MGAM2: variants seen among roughly 807,000 people sequenced by gnomAD.
MGAM2 encodes the protein probable maltase-glucoamylase 2.
In MGAM2, 98 loss-of-function variants were observed where a neutral mutation model predicts 96.1. The ratio of observed to expected loss-of-function variants is 1.02; its 90% CI spans 0.87 to 1.21. The LOEUF (loss-of-function observed/expected upper bound fraction) is 1.21, where lower values mean the gene tolerates loss of function less well. Among genes scored for constraint, MGAM2 ranks in the 50% most tolerant of loss-of-function variants. MGAM2 has a pLI of 0.00. For missense variants in MGAM2, 2,055 were observed against 1,182.4 expected, an observed-to-expected ratio of 1.74 and a Z score of -10.82; for synonymous variants, 749 against 414.8, an observed-to-expected ratio of 1.81 and a Z score of -9.79.
chr7:142,217,159 G>A (rs529177998), intron 46 of MGAM2, among the ~76,000 whole-genome samples: 1 of 152,060 alleles, frequency 6.6e-6, no homozygotes, highest in South Asian at 2.1e-4. Context: ...TTTCATTTGG[G>A]CCTTCATCAT....
At chr7:142,213,552 C>A (rs1198300229) in intron 46 of MGAM2, among the ~76,000 whole-genome samples, 1 of 152,182 alleles carries the variant, frequency 6.6e-6, no homozygotes, top group Non-Finnish European at 1.5e-5. Context: ...CACCTCTATG[C>A]AAATAAACTA....
At position 142,180,418 on chromosome 7, in the gene MGAM2, A is replaced by G. The variant is rs951656919; in HGVS notation, c.3817-2848A>G. 3.3e-5 allele frequency among the ~76,000 whole-genome samples: 5 copies of G among 151,826 alleles called. No individual in the cohort carries two copies. In the East Asian group the frequency reaches 9.6e-4, roughly 29 times the overall value. On this transcript the variant is annotated intron_variant, in intron 32 of 47. Coordinates refer to ENST00000477922, the MANE Select transcript of MGAM2 (RefSeq NM_001293626.2). ...TTGGGGTAAGTTTGTTCCTGTTTTTATAGTTCTTCTAGATGTGAAGTTGGA... is the reference window on the plus strand; with the variant it reads ...TTGGGGTAAGTTTGTTCCTGTTTTTGTAGTTCTTCTAGATGTGAAGTTGGA...
At chr7:142,185,561 C>T (rs376939340) in intron 34 of MGAM2, among the ~76,000 whole-genome samples, 1 of 152,076 alleles carries the variant, frequency 6.6e-6, no homozygotes, top group Non-Finnish European at 1.5e-5. Context: ...TCTAGCATCC[C>T]CTCTACTCTG....
At chr7:142,153,995 C>G (rs983363565) in intron 15 of MGAM2, 23 bp from the exon 16 acceptor site, 20 of 612,160 alleles carry the variant, frequency 3.3e-5, no homozygotes, top group Non-Finnish European at 5.5e-5. Context: ...ACCTCACACT[C>G]CACTGGATGT....
chr7:142,137,884 T>C (rs1281744847), intron 9 of MGAM2, among the ~76,000 whole-genome samples: 1 of 152,234 alleles, frequency 6.6e-6, no homozygotes, highest in Admixed American at 6.5e-5. Context: ...GAATAAACTT[T>C]GCTAGCTATT....
chr7:142,196,054 T>C (rs935593153), intron 37 of MGAM2, 100 bp from the exon 38 acceptor site: 11 of 690,972 alleles, frequency 1.6e-5, no homozygotes, highest in Non-Finnish European at 2.9e-5. Flanking sequence ...GTTATCTGAC[T>C]CGGACCGAAG....
intron 46 of MGAM2, among the ~76,000 whole-genome samples, chr7:142,214,996 G>T (rs1797711026): frequency 6.6e-6 from 1 of 152,112 alleles, no homozygotes; most frequent in African/African-American, 2.4e-5. Context: ...AAAGAAACAG[G>T]CACAAGTCTG....
At chr7:142,152,841 TTCAATAAAATGCCTATTCAAAAGGTG>T (rs1795619787) in intron 15 of MGAM2, among the ~76,000 whole-genome samples, 1 of 152,034 alleles carries the variant, frequency 6.6e-6, no homozygotes, top group South Asian at 2.1e-4. Flanking sequence ...GGAGAGTCAT[TTCAATAAAATGCCTATTCAAAAGGTG>T]TCCAGAATAA....
At chr7:142,120,217 C>G in intron 2 of MGAM2, 85 bp from the exon 3 acceptor site, 1 of 677,532 alleles carries the variant, frequency 1.5e-6, no homozygotes. Flanking sequence ...GAGAATTGGC[C>G]AAAAGTCTGT....
chr7:142,145,920 G>A (rs945529793), intron 14 of MGAM2, among the ~76,000 whole-genome samples: 6 of 152,198 alleles, frequency 3.9e-5, no homozygotes, highest in African/African-American at 9.6e-5. Flanking sequence ...TTGGGCACCC[G>A]AACAGTCAGT....
At chr7:142,152,306 A>G (rs1474456362) in intron 15 of MGAM2, among the ~76,000 whole-genome samples, 1 of 152,114 alleles carries the variant, frequency 6.6e-6, no homozygotes, top group African/African-American at 2.4e-5. Context: ...TGTTTCTTTC[A>G]TGATTGATTA....
chr7:142,183,141 T>G lies in MGAM2; in HGVS notation c.3817-125T>G, dbSNP rs138116163. The G allele has an allele frequency of 1.8e-3, 1,078 of 594,478 alleles. 9 individuals are homozygous for G. The highest frequency in any genetic ancestry group is 0.018 in the African/African-American group (945 of 53,810). 36.8% of individuals were successfully genotyped at this position (594,478 alleles called of 1,614,324 possible). ...AAATTATCAATGATTTTTATTTTATTTCATTTTATTTTTGGTATTGAGATT... is the reference window on the plus strand; with the variant it reads ...AAATTATCAATGATTTTTATTTTATGTCATTTTATTTTTGGTATTGAGATT... On this transcript the variant is annotated intron_variant, in intron 32 of 47. Transcript: ENST00000477922.
intron 2 of MGAM2, among the ~76,000 whole-genome samples, chr7:142,119,033 T>G (rs1794471521): frequency 6.6e-6 from 1 of 152,150 alleles, no homozygotes; most frequent in South Asian, 2.1e-4. Flanking sequence ...TGAAGCACAC[T>G]TTGAAGAAAA....
intron 3 of MGAM2, among the ~76,000 whole-genome samples, chr7:142,122,434 C>G (rs59390490): frequency 1.3e-5 from 2 of 152,218 alleles, no homozygotes; most frequent in Non-Finnish European, 2.9e-5. Context: ...AATGACTACA[C>G]ATGTGTAAGC....
chr7:142,219,722 T>G, intron 47 of MGAM2, 148 bp from the exon 48 acceptor site: 1 of 590,140 alleles, frequency 1.7e-6, no homozygotes, highest in Non-Finnish European at 3.0e-6. Flanking sequence ...AAAATCAACA[T>G]GACCTAACCC....
rs1237847152 is a variant in MGAM2, at chr7:142,161,152, C to T, written c.2373C>T (p.Ile791=). 4 of 702,700 alleles carry T rather than the reference C, an allele frequency of 5.7e-6. No homozygotes were observed. The highest frequency in any genetic ancestry group is 3.0e-5 in the South Asian group (2 of 67,590). The allele number at this position is 702,700 out of a possible 1,614,324, so 43.5% of individuals were successfully genotyped here. The part of the protein sequence containing the change: ...ASRRNSLGLI[I]ALDYKREAKG... ...GGAGGAATTCCCTGGGACTCATCATCGCCTTGGACTATAAGAGAGAAGCAA... is the reference window on the plus strand; with the variant it reads ...GGAGGAATTCCCTGGGACTCATCATTGCCTTGGACTATAAGAGAGAAGCAA... The change falls in exon 22 of 48, where the codon ATC becomes ATT. Residue 791 remains isoleucine, a synonymous_variant. Coordinates refer to ENST00000477922, the MANE Select transcript of MGAM2 (RefSeq NM_001293626.2).
chr7:142,192,507 A>G (rs1796900816), intron 37 of MGAM2, among the ~76,000 whole-genome samples: 1 of 152,146 alleles, frequency 6.6e-6, no homozygotes, highest in South Asian at 2.1e-4. Flanking sequence ...AAATCAATTA[A>G]CTCTACTGGG....
chr7:142,145,705 G>T (rs1795362848), intron 14 of MGAM2, among the ~76,000 whole-genome samples: 1 of 152,168 alleles, frequency 6.6e-6, no homozygotes, highest in Admixed American at 6.5e-5. Context: ...ATCTATGTCT[G>T]GTTCTCCCAT....
At chr7:142,120,153 G>C (rs147140154) in intron 2 of MGAM2, 149 bp from the exon 3 acceptor site, 111 of 566,790 alleles carry the variant, frequency 2.0e-4, no homozygotes, top group African/African-American at 1.8e-3. Context: ...GTTTGGAGAA[G>C]TGTTAAACAT....
Sources: gnomAD v4.1 joint callset for allele counts (sites outside exome capture counted in the v4.1 genomes callset) on GRCh38, gnomAD v4.1.1 for gene constraint, MANE v1.5 for transcripts, NCBI Gene and HGNC (gene_info 2026-07-23, HGNC 2026-07-21) for gene names.